The following TENM2 variants were observed in gnomAD, a reference collection of about 807,000 sequenced individuals.
TENM2 encodes teneurin-2.
TENM2 carries 52 observed loss-of-function variants against 245.2 expected under a neutral mutation model. The observed-to-expected ratio is 0.21, with a 90% CI of 0.17 to 0.27. The LOEUF (loss-of-function observed/expected upper bound fraction) is 0.27. Ranked by LOEUF, TENM2 falls within the 10% of genes least tolerant of loss-of-function variation. The pLI, the probability that TENM2 is intolerant of heterozygous loss-of-function variation, is 1.00. For synonymous variants in TENM2, 1,363 were observed against 1,438.9 expected (o/e 0.95, Z 1.19); for missense variants, 3,046 against 3,666.8 (o/e 0.83, Z 4.37).
chr5:167,979,862 C>T (rs1205382496), intron 4 of TENM2, among the ~76,000 whole-genome samples: 1 of 152,130 alleles, frequency 6.6e-6, no homozygotes, highest in Non-Finnish European at 1.5e-5. Flanking sequence ...TGTTGTTTAT[C>T]GAAATCTTGA....
At chr5:167,784,327 G>A (rs1764418472) in intron 2 of TENM2, among the ~76,000 whole-genome samples, 1 of 152,214 alleles carries the variant, frequency 6.6e-6, no homozygotes, top group Non-Finnish European at 1.5e-5. Context: ...AACAATGTGT[G>A]TGAATATGAT....
intron 5 of TENM2, among the ~76,000 whole-genome samples, chr5:168,042,960 T>G (rs1434001153): frequency 1.3e-5 from 2 of 152,122 alleles, no homozygotes; most frequent in African/African-American, 4.8e-5. Flanking sequence ...AGCCCGAGGG[T>G]CTCTCTGAAG....
chr5:167,226,412 T>C, the TENM2 span, among the ~76,000 whole-genome samples: 2 of 152,050 alleles, frequency 1.3e-5, no homozygotes, highest in African/African-American at 4.8e-5. Context: ...CAAACAGTTA[T>C]TCAGGAACAT....
chr5:166,979,169 C>T, the TENM2 span, among the ~76,000 whole-genome samples: 3 of 133,352 alleles, frequency 2.2e-5, no homozygotes, highest in African/African-American at 5.5e-5. Context: ...TAATCGTTTC[C>T]GAAGTAGCAG....
chr5:167,601,228 G>T (rs1462462335), intron 2 of TENM2, among the ~76,000 whole-genome samples: 2 of 152,232 alleles, frequency 1.3e-5, no homozygotes, highest in African/African-American at 4.8e-5. Context: ...GTGTTCAATA[G>T]AACGTCCTGT....
rs1179503763 is a variant in TENM2, at chr5:167,764,791, C to G, written c.503-111195C>G. ...CCCTACTTGCCCACGGGGAGCTCTC[C>G]CCTGAGTCTCCCCTCTGCCAGACAC... On this transcript the variant is annotated intron_variant, in intron 2 of 28. Coordinates refer to ENST00000518659, the Ensembl canonical transcript of TENM2. Among the ~76,000 whole-genome samples, 3 of 152,076 alleles carry G rather than the reference C, an allele frequency of 2.0e-5. No individual in the cohort carries two copies. The East Asian group carries it at 5.8e-4, about 29-fold the overall frequency.
chr5:167,034,827 T>G, the TENM2 span, among the ~76,000 whole-genome samples: 1 of 152,116 alleles, frequency 6.6e-6, no homozygotes, highest in East Asian at 1.9e-4. Context: ...GTCCCAGAAA[T>G]TCTCAGCTAC....
the TENM2 span, among the ~76,000 whole-genome samples, chr5:167,110,518 A>G: frequency 1.3e-5 from 2 of 152,178 alleles, no homozygotes; most frequent in African/African-American, 4.8e-5. Context: ...AATTTAATCT[A>G]ATTATATTAT....
At position 167,724,353 on chromosome 5, in the gene TENM2, C is replaced by T. The variant is rs547174885; in HGVS notation, c.503-151633C>T. ...GGCAAGTTTCTTAATGTCTCTGAAT[C>T]TCTTCATGTATAAAACAGGGTTTTA... On this transcript the variant is annotated intron_variant, in intron 2 of 28. Coordinates refer to ENST00000518659, the Ensembl canonical transcript of TENM2. Among the ~76,000 whole-genome samples, 117 of 151,258 alleles carry T rather than the reference C, an allele frequency of 7.7e-4. No homozygotes were observed. The South Asian group carries it at 0.014, about 18-fold the overall frequency.
intron 2 of TENM2, among the ~76,000 whole-genome samples, chr5:167,471,570 T>C (rs1400662289): frequency 6.6e-6 from 1 of 152,196 alleles, no homozygotes; most frequent in African/African-American, 2.4e-5. Flanking sequence ...GAATATTAAA[T>C]TTGATAAGAT....
rs111916399 is a variant in TENM2, at chr5:168,176,613, A to T, written c.2570-13724A>T. Among the ~76,000 whole-genome samples the T allele has an allele frequency of 5.3e-3, 807 of 152,266 alleles. 6 individuals carry two copies. Among genetic ancestry groups the T allele is most frequent in the African/African-American group, 0.019 (771 of 41,550 alleles). On this transcript the variant is annotated intron_variant, in intron 13 of 28. Coordinates refer to ENST00000518659, the Ensembl canonical transcript of TENM2. The stretch of plus-strand genomic sequence containing the variant: ...ACCTTGCTTTACTTAGTGTCTTCAG[A>T]ACACTGTCACTGTAATTCCATCATG...
At chr5:168,238,283 A>AAAG (rs1765782077) in intron 25 of TENM2, among the ~76,000 whole-genome samples, 1 of 145,460 alleles carries the variant, frequency 6.9e-6, no homozygotes, top group African/African-American at 2.7e-5. Context: ...AGAAAAGAAA[A>AAAG]GAAAAGAAAA....
intron 9 of TENM2, among the ~76,000 whole-genome samples, chr5:168,116,740 A>T (rs1356287040): frequency 6.6e-6 from 1 of 152,230 alleles, no homozygotes; most frequent in Non-Finnish European, 1.5e-5. Context: ...TAAAAACTAC[A>T]TAGAAACATG....
upstream of TENM2, among the ~76,000 whole-genome samples, chr5:167,283,446 A>T (rs1336977594): frequency 6.6e-6 from 1 of 151,376 alleles, no homozygotes; most frequent in Non-Finnish European, 1.5e-5. Flanking sequence ...GGTCCCTGAG[A>T]TCTAGAAGAA....
At chr5:167,382,342 C>G (rs1761140578) in intron 2 of TENM2, among the ~76,000 whole-genome samples, 1 of 152,134 alleles carries the variant, frequency 6.6e-6, no homozygotes, top group Non-Finnish European at 1.5e-5. Context: ...GAGAGACATG[C>G]AGTGATACAC....
At chr5:168,062,028 T>C (rs1248736520) in intron 6 of TENM2, 32 bp from the exon 9 acceptor site, 9 of 1,567,456 alleles carry the variant, frequency 5.7e-6, no homozygotes, top group Non-Finnish European at 6.9e-6. Flanking sequence ...TACACGTCAT[T>C]GACTGCTGTT....
chr5:167,369,526 T>G (rs1234948487), intron 1 of TENM2, among the ~76,000 whole-genome samples: 3 of 152,190 alleles, frequency 2.0e-5, no homozygotes, highest in Non-Finnish European at 2.9e-5. Context: ...AATTATAGAT[T>G]GGCACCATAT....
the TENM2 span, among the ~76,000 whole-genome samples, chr5:167,093,578 TC>T: frequency 6.6e-6 from 1 of 152,134 alleles, no homozygotes; most frequent in Non-Finnish European, 1.5e-5. Flanking sequence ...TTTTAAGGTT[TC>T]CGAATGTTGT....
the TENM2 span, among the ~76,000 whole-genome samples, chr5:167,072,790 C>G: frequency 6.6e-6 from 1 of 152,110 alleles, no homozygotes; most frequent in South Asian, 2.1e-4. Context: ...TCAGCAAAAT[C>G]ATGCTTAAGT....
Sources: gnomAD v4.1 joint callset for allele counts (sites outside exome capture counted in the v4.1 genomes callset) on GRCh38, gnomAD v4.1.1 for gene constraint, MANE v1.5 for transcripts, NCBI Gene and HGNC (gene_info 2026-07-23, HGNC 2026-07-21) for gene names.